TRIOBP: variants seen among roughly 807,000 people sequenced by gnomAD.
TRIOBP encodes TRIO and F-actin binding protein.
Under a neutral mutation model 238.8 loss-of-function variants are expected in TRIOBP, and 169 were observed. The ratio of observed to expected loss-of-function variants is 0.71; its 90% CI spans 0.62 to 0.80. The LOEUF is 0.80. TRIOBP is among the 30% of genes least tolerant of loss of function. TRIOBP has a pLI of 0.00. For synonymous variants in TRIOBP, 1,150 were observed against 1,274.4 expected, an observed-to-expected ratio of 0.90 and a Z score of 2.08; for missense variants, 2,838 against 3,122.6, an observed-to-expected ratio of 0.91 and a Z score of 2.17.
chr22:37,754,986 T>G lies in TRIOBP; in HGVS notation c.5487+2T>G. On this transcript the variant is annotated splice_donor_variant, in intron 13 of 23. Transcript: ENST00000644935. LOFTEE classifies it high-confidence loss of function. ...TACAGAGACTCCACTGCTGAGGAGG[T>G]GAGGCCATGGGTGTACTGATGAACC... The G allele has an allele frequency of 6.2e-7, 1 of 1,613,846 alleles. No homozygotes were observed. The highest frequency in any genetic ancestry group is 8.5e-7 in the Non-Finnish European group (1 of 1,179,894).
intron 3 of TRIOBP, among the ~76,000 whole-genome samples, chr22:37,704,770 T>A (rs1333584548): frequency 6.6e-6 from 1 of 151,442 alleles, no homozygotes; most frequent in Non-Finnish European, 1.5e-5. Flanking sequence ...AAGGCCAGCC[T>A]GGCACGGCAG....
chr22:37,741,753 CTTGGGGTATAAAGGAGCTGATT>C (rs1037429483), intron 11 of TRIOBP, among the ~76,000 whole-genome samples: 1 of 152,174 alleles, frequency 6.6e-6, no homozygotes, highest in African/African-American at 2.4e-5. Context: ...GGTCGCACAG[CTTGGGGTATAAAGGAGCTGATT>C]TTCCTCATTC....
rs201112075 is a variant in TRIOBP at position 37,724,147 on chromosome 22, G to C, written c.1591G>C (p.Ala531Pro). The C allele has an allele frequency of 5.8e-4, 927 of 1,594,156 alleles. 14 individuals are homozygous for C. In the African/African-American group the frequency reaches 0.012, roughly 21 times the overall value. The change falls in exon 7 of 24, where the codon GCC becomes CCC. Residue 531 changes from alanine to proline, a missense_variant. By Grantham distance (27) the Ala-to-Pro change is conservative (BLOSUM62 -1). Coordinates refer to ENST00000644935, the MANE Select transcript of TRIOBP (RefSeq NM_001039141.3). The part of the protein sequence containing the change: ...ATRDNPRTSC[A>P]QRDNPRASSP... ...ACGAGACAACCCCAGAACATCCTGC[G>C]CCCAGCGGGACAATCCCAGAGCCTC... is the stretch of plus-strand genomic sequence containing the variant.
rs780052589 is a variant in TRIOBP at position 37,726,480 on chromosome 22, G to T, written c.3924G>T (p.Glu1308Asp). 1.4e-5 allele frequency: 21 copies of T among 1,536,468 alleles called. No homozygotes were observed. The highest frequency in any genetic ancestry group is 1.7e-5 in the Non-Finnish European group (19 of 1,147,260). Residue 1308 changes from glutamate (E) to aspartate (D), a missense_variant, in exon 7 of 24, where the codon GAG becomes GAT. By Grantham distance (45) the Glu-to-Asp change is conservative (BLOSUM62 2). Around this residue, in one of 5 missense-constraint regions of TRIOBP, gnomAD observed 2,096 missense variants for 2,137.4 expected, o/e 0.98. Coordinates refer to ENST00000644935, the MANE Select transcript of TRIOBP (RefSeq NM_001039141.3). ...RTHSPGRAEV[E>D]RLFGQERRKS... ...ACAGCCCTGGCCGTGCAGAGGTGGAGCGCCTCTTCGGGCAAGAGCGCAGGT... is the reference window on the plus strand; with the variant it reads ...ACAGCCCTGGCCGTGCAGAGGTGGATCGCCTCTTCGGGCAAGAGCGCAGGT...
chr22:37,726,976 G>A (rs1417847883), intron 7 of TRIOBP, among the ~76,000 whole-genome samples: 2 of 150,656 alleles, frequency 1.3e-5, no homozygotes, highest in African/African-American at 4.9e-5. Context: ...GTGCAATCTC[G>A]GCTCACTGCA....
At chr22:37,759,576 ACT>A in intron 17 of TRIOBP, 1 of 1,589,928 alleles carries the variant, frequency 6.3e-7, no homozygotes, top group Non-Finnish European at 8.5e-7. Context: ...CCCGTGTGAC[ACT>A]CTGCACTTGG....
intron 11 of TRIOBP, chr22:37,751,266 C>T (rs1925586672): frequency 2.9e-6 from 1 of 346,500 alleles, no homozygotes; most frequent in Admixed American, 4.3e-5. Flanking sequence ...TTTCTGACCC[C>T]AGCCTGTGAC....
chr22:37,707,906 C>T (rs891056973), intron 3 of TRIOBP, among the ~76,000 whole-genome samples: 4 of 140,482 alleles, frequency 2.8e-5, no homozygotes, highest in Admixed American at 2.2e-4. Context: ...CGCGCCATTG[C>T]ACTCCAGCCT....
intron 6 of TRIOBP, among the ~76,000 whole-genome samples, chr22:37,718,983 A>ACTATAGG (rs1406454436): frequency 3.4e-5 from 5 of 148,610 alleles, no homozygotes; most frequent in African/African-American, 1.2e-4. Flanking sequence ...AGTAGCTGGG[A>ACTATAGG]CTATAGGTGC....
rs1341702921 is a variant in TRIOBP, at chr22:37,771,676, A to C, written c.6876A>C (p.Glu2292Asp). ...TGCTGCTTCGCGTAAAAGAAAACGA[A>C]CTCCAGTACCTAAAGAAGGAGGTGC... ...LEVLLRVKEN[E>D]LQYLKKEVQC... Residue 2292 changes from glutamate (E) to aspartate (D), a missense_variant, in exon 22 of 24, where the codon GAA (glutamate) becomes GAC (aspartate). Around this residue, in one of 5 missense-constraint regions of TRIOBP, gnomAD observed 2,096 missense variants for 2,137.4 expected, o/e 0.98. Coordinates refer to ENST00000644935, the MANE Select transcript of TRIOBP (RefSeq NM_001039141.3). The C allele has an allele frequency of 6.2e-7, 1 of 1,613,832 alleles. No homozygotes were observed. Among genetic ancestry groups the C allele is most frequent in the African/African-American group, 1.3e-5 (1 of 74,842 alleles).
rs538398519 is a variant in TRIOBP at position 37,745,104 on chromosome 22, T to C, written c.5322+4072T>C. 3.3e-5 allele frequency among the ~76,000 whole-genome samples: 5 copies of C among 152,218 alleles called. No individual in the cohort carries two copies. In the East Asian group the frequency reaches 7.7e-4, roughly 24 times the overall value. ...GCTCTTGAACTCCTGATCTCAATGA[T>C]CCACCCACCTCAGCCTCCCAAAGTG... On this transcript the variant is annotated intron_variant, in intron 11 of 23. Coordinates refer to ENST00000644935, the MANE Select transcript of TRIOBP (RefSeq NM_001039141.3).
intron 17 of TRIOBP, among the ~76,000 whole-genome samples, chr22:37,761,458 A>G (rs1229465103): frequency 6.6e-6 from 1 of 152,172 alleles, no homozygotes; most frequent in East Asian, 1.9e-4. Flanking sequence ...AAACAGCAAC[A>G]AAAAACAAAA....
At chr22:37,716,811 G>A (rs1923545119) in intron 6 of TRIOBP, among the ~76,000 whole-genome samples, 1 of 152,230 alleles carries the variant, frequency 6.6e-6, no homozygotes, top group Non-Finnish European at 1.5e-5. Flanking sequence ...AGATGCAAAG[G>A]ATGAATTGGA....
chr22:37,759,006 G>A (rs954383910), intron 16 of TRIOBP, 148 bp from the exon 17 acceptor site: 2 of 682,668 alleles, frequency 2.9e-6, no homozygotes, highest in Non-Finnish European at 5.1e-6. Context: ...AGGGCTGCTT[G>A]CCCTTCTCAA....
rs1926111067 is a variant in TRIOBP at position 37,759,265 on chromosome 22, G to T, written c.6324+1G>T. The T allele has an allele frequency of 6.2e-7, 1 of 1,612,120 alleles. No individual in the cohort carries two copies. The highest frequency in any genetic ancestry group is 8.5e-7 in the Non-Finnish European group (1 of 1,179,102). The stretch of plus-strand genomic sequence containing the variant: ...CATCCCCCCGGGCTACATCTCACAG[G>T]TAAGGCCGGGGGGCTGTTTTTCAGG... On this transcript the variant is annotated splice_donor_variant, in intron 17 of 23. Transcript: ENST00000644935. LOFTEE classifies it high-confidence loss of function.
rs201915552 is a variant in TRIOBP at position 37,725,010 on chromosome 22, T to C, written c.2454T>C (p.Cys818=). 96 of 1,614,054 alleles carry C rather than the reference T, an allele frequency of 5.9e-5. No homozygotes were observed. In the East Asian group the frequency reaches 1.2e-3, roughly 21 times the overall value. ...CCCAACAGGACAACCCCAGAACTTG[T>C]ATTCAACAGAACATCCCCAGATCAT... is the stretch of plus-strand genomic sequence containing the variant. ...RATQQDNPRT[C]IQQNIPRSSS... The change falls in exon 7 of 24, where the codon TGT becomes TGC. Residue 818 remains cysteine, a synonymous_variant. Transcript: ENST00000644935.
intron 2 of TRIOBP, among the ~76,000 whole-genome samples, chr22:37,699,514 C>T (rs983802341): frequency 6.6e-6 from 1 of 152,192 alleles, no homozygotes; most frequent in Non-Finnish European, 1.5e-5. Flanking sequence ...GACACTCAAA[C>T]TTTGGGGCGC....
intron 7 of TRIOBP, 142 bp downstream of exon 7, chr22:37,726,645 T>C: frequency 3.5e-6 from 3 of 846,896 alleles, no homozygotes; most frequent in Non-Finnish European, 5.1e-6. Context: ...GGCAAATCGC[T>C]CCATTTCTCT....
chr22:37,725,164 C>T lies in TRIOBP; in HGVS notation c.2608C>T (p.Gln870Ter). 6.2e-7 allele frequency: 1 copy of T among 1,614,158 alleles called. No individual in the cohort carries two copies. Among genetic ancestry groups the T allele is most frequent in the East Asian group, 2.2e-5 (1 of 44,892 alleles). Residue 870 changes from glutamine to a stop codon, truncating the protein, a stop_gained, in exon 7 of 24, where the codon CAA (glutamine) becomes TAA (stop). Coordinates refer to ENST00000644935, the MANE Select transcript of TRIOBP (RefSeq NM_001039141.3). LOFTEE classifies it high-confidence loss of function. ...QRDNPGTSSS[Q>*]CCTQKENLRP... Reference sequence around the variant, plus strand: ...AGACAACCCTGGAACCTCCTCATCTCAATGCTGCACCCAAAAGGAGAATCT... The same window carrying T: ...AGACAACCCTGGAACCTCCTCATCTTAATGCTGCACCCAAAAGGAGAATCT...
Sources: gnomAD v4.1 joint callset for allele counts (sites outside exome capture counted in the v4.1 genomes callset) on GRCh38, gnomAD v4.1.1 for gene constraint, gnomAD v4.1.1 regional missense constraint, MANE v1.5 for transcripts, NCBI Gene and HGNC (gene_info 2026-07-23, HGNC 2026-07-21) for gene names.